FGF7: variants seen among roughly 807,000 people sequenced by gnomAD.
FGF7 encodes the protein FGF-7.
Under a neutral mutation model 20.5 loss-of-function variants are expected in FGF7, and 6 were observed. The ratio of observed to expected loss-of-function variants is 0.29; its 90% CI spans 0.16 to 0.58. FGF7 has a LOEUF of 0.58. Ranked by LOEUF, FGF7 falls within the 20% of genes least tolerant of loss-of-function variation. FGF7 has a pLI of 0.90. For synonymous variants in FGF7, 64 were observed against 74.7 expected, an observed-to-expected ratio of 0.86 and a Z score of 0.74; for missense variants, 144 against 228.8, an observed-to-expected ratio of 0.63 and a Z score of 2.39.
chr15:49,462,514 T>A (rs2053894267), intron 2 of FGF7, among the ~76,000 whole-genome samples: 2 of 152,208 alleles, frequency 1.3e-5, no homozygotes, highest in Non-Finnish European at 2.9e-5. Context: ...TGTTAAAAAG[T>A]CTCTACTGAT....
chr15:49,478,365 G>GT (rs760256819), intron 2 of FGF7, among the ~76,000 whole-genome samples: 9 of 150,462 alleles, frequency 6.0e-5, no homozygotes, highest in Non-Finnish European at 1.2e-4. Flanking sequence ...TGTTTTCAGT[G>GT]TTTTTTGTAT....
intron 3 of FGF7, among the ~76,000 whole-genome samples, chr15:49,484,057 T>A (rs1455684607): frequency 6.6e-6 from 1 of 152,144 alleles, no homozygotes; most frequent in East Asian, 1.9e-4. Flanking sequence ...TGACATGAAC[T>A]TCCAAAAAGC....
chr15:49,483,875 A>C (rs537662980), intron 3 of FGF7, among the ~76,000 whole-genome samples: 43 of 152,186 alleles, frequency 2.8e-4, no homozygotes, highest in African/African-American at 1.0e-3. Flanking sequence ...TTCCATTACC[A>C]TTGAAGACAA....
chr15:49,467,434 T>C (rs1016503579), intron 2 of FGF7, among the ~76,000 whole-genome samples: 1 of 152,178 alleles, frequency 6.6e-6, no homozygotes, highest in East Asian at 1.9e-4. Flanking sequence ...CCTGGTACAT[T>C]TGTATTTTGA....
At position 49,487,622 on chromosome 15, in the gene FGF7, T is replaced by C. The variant is rs2056510799; in HGVS notation, c.*3118T>C. 1 of 151,818 alleles carries C rather than the reference T, an allele frequency of 6.6e-6. No homozygotes were observed. The highest frequency in any genetic ancestry group is 1.5e-5 in the Non-Finnish European group (1 of 67,860). 9.4% of individuals were successfully genotyped at this position (151,818 alleles called of 1,614,324 possible). A position where few individuals can be genotyped will look rare whatever the true frequency, so the allele number is the denominator to read the frequency against. On this transcript the variant is annotated 3_prime_UTR_variant, in exon 4 of 4. Transcript: ENST00000267843. ...GACCTAGCTGTAGTAAAAGCAATCC[T>C]ATAACAAGAAAAACTCTAAAACAGT...
chr15:49,424,516 A>G lies in FGF7; in HGVS notation c.219A>G (p.Thr73=). ...GAGTGAGAAGACTCTTCTGTCGAAC[A>G]CAGTGGTACCTGAGGATCGATAAAA... ...DIRVRRLFCR[T]QWYLRIDKRG... Residue 73 remains threonine, a synonymous_variant, in exon 2 of 4, where the codon ACA becomes ACG. Coordinates refer to ENST00000267843, the MANE Select transcript of FGF7 (RefSeq NM_002009.4). 3 of 1,612,958 alleles carry G rather than the reference A, an allele frequency of 1.9e-6. No individual in the cohort carries two copies. The highest frequency in any genetic ancestry group is 1.7e-6 in the Non-Finnish European group (2 of 1,179,240).
At chr15:49,435,978 G>C (rs1310174114) in intron 2 of FGF7, among the ~76,000 whole-genome samples, 3 of 151,384 alleles carry the variant, frequency 2.0e-5, no homozygotes, top group Non-Finnish European at 4.4e-5. Flanking sequence ...AATTGGTACA[G>C]AGTACTTTAT....
intron 2 of FGF7, among the ~76,000 whole-genome samples, chr15:49,464,491 T>A (rs1199944881): frequency 6.6e-6 from 1 of 152,166 alleles, no homozygotes; most frequent in African/African-American, 2.4e-5. Context: ...ATTCATGAAC[T>A]AAGCTAATGA....
At chr15:49,482,218 C>T (rs531634026) in intron 2 of FGF7, among the ~76,000 whole-genome samples, 2 of 151,950 alleles carry the variant, frequency 1.3e-5, no homozygotes, top group Non-Finnish European at 2.9e-5. Context: ...ATTATTACAT[C>T]ATTTTAATAA....
In FGF7 at chr15:49,484,433, A is replaced by G. The variant is rs1265157291; in HGVS notation, c.514A>G (p.Ile172Val). 1 of 1,591,512 alleles carries G rather than the reference A, an allele frequency of 6.3e-7. No homozygotes were observed. The highest frequency in any genetic ancestry group is 8.5e-7 in the Non-Finnish European group (1 of 1,177,002). Residue 172 changes from isoleucine (I) to valine (V), a missense_variant, in exon 4 of 4, where the codon ATT becomes GTT. This residue lies in a region of FGF7 where 56 missense variants were observed against 125.4 expected (regional missense o/e 0.45). Coordinates refer to ENST00000267843, the MANE Select transcript of FGF7 (RefSeq NM_002009.4). ...GTTTGTTGCCTTAAATCAAAAGGGGATTCCTGTAAGAGGAAAAAAAACGAA... is the reference window on the plus strand; with the variant it reads ...GTTTGTTGCCTTAAATCAAAAGGGGGTTCCTGTAAGAGGAAAAAAAACGAA... ...EMFVALNQKG[I>V]PVRGKKTKKE...
In FGF7 at chr15:49,424,565, G is replaced by A. The variant is rs2049963737; in HGVS notation, c.268G>A (p.Glu90Lys). 1 of 1,588,854 alleles carries A rather than the reference G, an allele frequency of 6.3e-7. No homozygotes were observed. The highest frequency in any genetic ancestry group is 8.6e-7 in the Non-Finnish European group (1 of 1,165,902). The change falls in exon 2 of 4, where the codon GAG becomes AAG. Residue 90 changes from glutamate (E) to lysine (K), a missense_variant. Transcript: ENST00000267843. ...DKRGKVKGTQEMKNNYNIMEI... is the reference protein window; with the variant it reads ...DKRGKVKGTQKMKNNYNIMEI... ...AAGAGGCAAAGTAAAAGGGACCCAA[G>A]AGATGAAGAATAATTACAGTAAGTA...
At position 49,470,417 on chromosome 15, in the gene FGF7, T is replaced by C. The variant is rs570918288; in HGVS notation, c.287-12734T>C. On this transcript the variant is annotated intron_variant, in intron 2 of 3. Coordinates refer to ENST00000267843, the MANE Select transcript of FGF7 (RefSeq NM_002009.4). ...ATATCTAGTACAGCTACAATTTCAC[T>C]GTGGATCTAGATCACAAAGTGATTT... 5.3e-5 allele frequency among the ~76,000 whole-genome samples: 8 copies of C among 152,342 alleles called. No individual in the cohort carries two copies. In the South Asian group the frequency reaches 1.7e-3, roughly 32 times the overall value.
rs1337618156 is a variant in FGF7 at position 49,424,573 on chromosome 15, G to A, written c.276G>A (p.Lys92=). 3.5e-6 allele frequency: 5 copies of A among 1,409,044 alleles called. No homozygotes were observed. The highest frequency in any genetic ancestry group is 2.6e-5 in the South Asian group (2 of 76,630). The allele number at this position is 1,409,044 out of a possible 1,614,324, so 87.3% of individuals were successfully genotyped here. ...RGKVKGTQEM[K]NNYNIMEIRT... is the part of the protein sequence containing the mutation. ...AAGTAAAAGGGACCCAAGAGATGAA[G>A]AATAATTACAGTAAGTAATTTTAAG... The change falls in exon 2 of 4, where the codon AAG becomes AAA. Residue 92 remains lysine, a synonymous_variant. Transcript: ENST00000267843.
At chr15:49,424,852 C>G (rs1257512539) in intron 2 of FGF7, 2 of 239,892 alleles carry the variant, frequency 8.3e-6, no homozygotes, top group East Asian at 7.7e-5. Flanking sequence ...ATAAGTTAAG[C>G]AAAATGTAAA....
chr15:49,473,357 A>C (rs1297267707), intron 2 of FGF7, among the ~76,000 whole-genome samples: 1 of 152,184 alleles, frequency 6.6e-6, no homozygotes, highest in Non-Finnish European at 1.5e-5. Context: ...AGTATAAAGA[A>C]CATTGAGTTA....
chr15:49,437,126 T>C (rs181210269), intron 2 of FGF7, among the ~76,000 whole-genome samples: 16 of 151,706 alleles, frequency 1.1e-4, no homozygotes, highest in African/African-American at 3.9e-4. Context: ...GTCTGGAAAA[T>C]TGTTATAGAA....
chr15:49,464,712 T>C (rs2151942563), intron 2 of FGF7, among the ~76,000 whole-genome samples: 1 of 152,250 alleles, frequency 6.6e-6, no homozygotes, highest in South Asian at 2.1e-4. Context: ...AAATGACCAA[T>C]AAAGTAATGG....
chr15:49,446,430 T>C (rs1597246797), intron 2 of FGF7, among the ~76,000 whole-genome samples: 1 of 151,606 alleles, frequency 6.6e-6, no homozygotes, highest in East Asian at 1.9e-4. Context: ...TAAGTTACGA[T>C]AGTTGCTAGT....
intron 2 of FGF7, among the ~76,000 whole-genome samples, chr15:49,455,416 A>AT (rs1186529249): frequency 6.6e-6 from 1 of 152,152 alleles, no homozygotes; most frequent in Non-Finnish European, 1.5e-5. Flanking sequence ...AAACCCCAGC[A>AT]TTTTTCAAAC....
Sources: gnomAD v4.1 joint callset for allele counts (sites outside exome capture counted in the v4.1 genomes callset) on GRCh38, gnomAD v4.1.1 for gene constraint, gnomAD v4.1.1 regional missense constraint, MANE v1.5 for transcripts, NCBI Gene and HGNC (gene_info 2026-07-23, HGNC 2026-07-21) for gene names.